FBXO9: variants seen among roughly 807,000 people sequenced by gnomAD.
The protein encoded by FBXO9 is F-box protein 9.
A neutral mutation model predicts 63.7 loss-of-function variants in FBXO9; 43 were observed. That is an observed-to-expected ratio of 0.67 (90% CI 0.53 to 0.87). The LOEUF is 0.87. FBXO9 is among the 40% of genes least tolerant of loss of function. The pLI, the probability that FBXO9 is intolerant of heterozygous loss-of-function variation, is 0.00. For missense variants in FBXO9, 442 were observed against 533.2 expected (o/e 0.83, Z 1.68); for synonymous variants, 156 against 171.7 (o/e 0.91, Z 0.72).
At chr6:53,065,912 T>A (rs2127485076) in intron 1 of FBXO9, 120 bp downstream of exon 1, 2 of 1,201,988 alleles carry the variant, frequency 1.7e-6, no homozygotes, top group East Asian at 6.4e-5. Context: ...GCTTCACGGC[T>A]GCCACCCGTT....
At position 53,099,739 on chromosome 6, in the gene FBXO9, C is replaced by T. The variant is rs1489820555; in HGVS notation, c.*1909C>T. The T allele has an allele frequency of 6.6e-6, 1 of 151,932 alleles. No individual in the cohort carries two copies. The highest frequency in any genetic ancestry group is 1.5e-5 in the Non-Finnish European group (1 of 68,064). The allele number at this position is 151,932 out of a possible 1,614,324, so 9.4% of individuals were successfully genotyped here. On this transcript the variant is annotated 3_prime_UTR_variant, in exon 13 of 13. Transcript: ENST00000323557. ...CCTGGGTGAGAAAGCGAGACCCTGT[C>T]TCAAAAAAGAAAAAAAAGAGAGGTT...
intron 1 of FBXO9, among the ~76,000 whole-genome samples, chr6:53,067,230 A>G (rs778463997): frequency 6.6e-6 from 1 of 152,224 alleles, no homozygotes; most frequent in South Asian, 2.1e-4. Flanking sequence ...GTAGATCACC[A>G]TACCTCTTTA....
chr6:53,087,323 C>T (rs1011178135), intron 7 of FBXO9, among the ~76,000 whole-genome samples: 4 of 114,084 alleles, frequency 3.5e-5, no homozygotes, highest in African/African-American at 1.4e-4. Flanking sequence ...GCCAAGATGA[C>T]AGAGTAAGAT....
chr6:53,076,827 G>T (rs1450725821), intron 4 of FBXO9, among the ~76,000 whole-genome samples: 1 of 150,264 alleles, frequency 6.7e-6, no homozygotes, highest in Non-Finnish European at 1.5e-5. Flanking sequence ...AAATATTTTT[G>T]ATCTGTAGTT....
intron 4 of FBXO9, among the ~76,000 whole-genome samples, chr6:53,077,370 G>C (rs1020911664): frequency 2.0e-5 from 3 of 148,480 alleles, no homozygotes; most frequent in Non-Finnish European, 4.5e-5. Context: ...CTACTTGGGA[G>C]GCTGAGGCAG....
rs1256259194 is a variant in FBXO9, at chr6:53,082,528, A to T, written c.563A>T (p.Tyr188Phe). The T allele has an allele frequency of 6.2e-7, 1 of 1,613,704 alleles. No homozygotes were observed. The highest frequency in any genetic ancestry group is 8.5e-7 in the Non-Finnish European group (1 of 1,179,692). The change falls in exon 7 of 13, where the codon TAC becomes TTC. Residue 188 changes from tyrosine to phenylalanine, a missense_variant. Around this residue, in one of 2 missense-constraint regions of FBXO9, gnomAD observed 262 missense variants for 362.1 expected, o/e 0.72. Coordinates refer to ENST00000323557, the MANE Select transcript of FBXO9 (RefSeq NM_033480.3). ...GTGCTGCCAATGGAGGTCCTGATGT[A>T]CATCTTCCGATGGGTGGTGTCTAGT... ...ISVLPMEVLM[Y>F]IFRWVVSSDL...
intron 5 of FBXO9, among the ~76,000 whole-genome samples, chr6:53,079,318 G>A (rs572075058): frequency 3.3e-5 from 5 of 152,158 alleles, no homozygotes; most frequent in South Asian, 2.1e-4. Flanking sequence ...GTTTCCTTAC[G>A]TATATGTTTG....
At chr6:53,090,672 C>A (rs1763016023) in intron 7 of FBXO9, among the ~76,000 whole-genome samples, 1 of 152,052 alleles carries the variant, frequency 6.6e-6, no homozygotes, top group Admixed American at 6.6e-5. Flanking sequence ...GTTTTTGCTT[C>A]ATTTACTTAT....
Position 53,100,031 on chromosome 6 carries a change from TC to T in FBXO9, c.*2202del, listed in dbSNP as rs1763308272. On this transcript the variant is annotated 3_prime_UTR_variant, in exon 13 of 13. Transcript: ENST00000323557. ...GATACCAAGTTCAAATTTAAAGATTTCTTTGTAAGCAGTAAAGTGACTTTCA... is the reference window on the plus strand; with the variant it reads ...GATACCAAGTTCAAATTTAAAGATTTTTTGTAAGCAGTAAAGTGACTTTCA... The T allele has an allele frequency of 6.6e-6, 1 of 152,228 alleles. No homozygotes were observed. Among genetic ancestry groups the T allele is most frequent in the African/African-American group, 2.4e-5 (1 of 41,468 alleles). The allele number at this position is 152,228 out of a possible 1,614,324, so 9.4% of individuals were successfully genotyped here.
Position 53,092,414 on chromosome 6 carries a change from G to T in FBXO9, c.654-15G>T. ...GGGACTTAGTTTTTATTGACATTGT[G>T]CTTTTATTCCCTAGAGACCCTGAAA... On this transcript the variant is annotated splice_polypyrimidine_tract_variant and intron_variant, in intron 7 of 12. Coordinates refer to ENST00000323557, the MANE Select transcript of FBXO9 (RefSeq NM_033480.3). The T allele has an allele frequency of 6.3e-7, 1 of 1,580,488 alleles. No individual in the cohort carries two copies. The highest frequency in any genetic ancestry group is 8.7e-7 in the Non-Finnish European group (1 of 1,151,164).
intron 4 of FBXO9, among the ~76,000 whole-genome samples, chr6:53,076,937 CCTGT>C (rs1769133413): frequency 1.3e-5 from 2 of 151,848 alleles, no homozygotes; most frequent in East Asian, 1.9e-4. Context: ...TTCTATATAA[CCTGT>C]CTTTTTGCAA....
In FBXO9 at chr6:53,097,042, A is replaced by T. The variant is rs887990545; in HGVS notation, c.1206-680A>T. On this transcript the variant is annotated intron_variant, in intron 12 of 12. Coordinates refer to ENST00000323557, the MANE Select transcript of FBXO9 (RefSeq NM_033480.3). ...GGACATTACCAGAGGCATTATTTGTAGCTGCTAATTATCACATTGACTTCC... is the reference window on the plus strand; with the variant it reads ...GGACATTACCAGAGGCATTATTTGTTGCTGCTAATTATCACATTGACTTCC... 3.3e-5 allele frequency among the ~76,000 whole-genome samples: 5 copies of T among 152,218 alleles called. No homozygotes were observed. The South Asian group carries it at 1.0e-3, about 31-fold the overall frequency.
rs1763294160 is a variant in FBXO9 at position 53,099,338 on chromosome 6, AGCCAAGATCGT to A, written c.*1513_*1523del. On this transcript the variant is annotated 3_prime_UTR_variant, in exon 13 of 13. Coordinates refer to ENST00000323557, the MANE Select transcript of FBXO9 (RefSeq NM_033480.3). The stretch of plus-strand genomic sequence containing the variant: ...AGCCTGGGAAGTGGAAGTTGCAGTG[AGCCAAGATCGT>A]GCCATTCCACTCCAGCCTGAGCAAC... 4 of 152,196 alleles carry A rather than the reference AGCCAAGATCGT, an allele frequency of 2.6e-5. No homozygotes were observed. Among genetic ancestry groups the A allele is most frequent in the Non-Finnish European group, 5.9e-5 (4 of 68,230 alleles). 9.4% of individuals were successfully genotyped at this position (152,196 alleles called of 1,614,324 possible).
intron 7 of FBXO9, among the ~76,000 whole-genome samples, chr6:53,084,539 A>G (rs1223525184): frequency 6.6e-6 from 1 of 152,246 alleles, no homozygotes; most frequent in Admixed American, 6.5e-5. Flanking sequence ...CAGCTTTCAC[A>G]AAAACATCAG....
chr6:53,086,529 T>C (rs1246016765), intron 7 of FBXO9, among the ~76,000 whole-genome samples: 1 of 152,164 alleles, frequency 6.6e-6, no homozygotes, highest in African/African-American at 2.4e-5. Context: ...TTTAGATAAC[T>C]TGTAAGTTAA....
At chr6:53,076,789 AT>A (rs71740239) in intron 4 of FBXO9, among the ~76,000 whole-genome samples, 10,246 of 65,890 alleles carry the variant, frequency 0.16, 845 homozygotes, top group African/African-American at 0.31. Flanking sequence ...ATTATACTGT[AT>A]TTTTTTTTTA....
chr6:53,098,688 T>C lies in FBXO9; in HGVS notation c.*858T>C, dbSNP rs1763281750. 2 of 152,186 alleles carry C rather than the reference T, an allele frequency of 1.3e-5. No individual in the cohort carries two copies. The allele number at this position is 152,186 out of a possible 1,614,324, so 9.4% of individuals were successfully genotyped here. A position where few individuals can be genotyped will look rare whatever the true frequency, so the allele number is the denominator to read the frequency against. Reference sequence around the variant, plus strand: ...TAGGCACCTTACCAATATATGACATTAAGTGAGAGTGAATCCCTTAGGACT... The same window carrying C: ...TAGGCACCTTACCAATATATGACATCAAGTGAGAGTGAATCCCTTAGGACT... On this transcript the variant is annotated 3_prime_UTR_variant, in exon 13 of 13. Transcript: ENST00000323557.
intron 7 of FBXO9, among the ~76,000 whole-genome samples, chr6:53,088,644 G>A (rs1762957915): frequency 1.3e-5 from 2 of 151,662 alleles, no homozygotes; most frequent in Admixed American, 1.3e-4. Flanking sequence ...TGTCGCCCAG[G>A]CTGCAGTACA....
At chr6:53,079,447 G>C (rs1436969540) in intron 5 of FBXO9, among the ~76,000 whole-genome samples, 1 of 152,070 alleles carries the variant, frequency 6.6e-6, no homozygotes, top group African/African-American at 2.4e-5. Context: ...TAAAAGCACA[G>C]GTGCAGAATA....
Sources: allele counts gnomAD v4.1 joint callset (sites outside exome capture counted in the v4.1 genomes callset), GRCh38; gene constraint gnomAD v4.1.1; regional missense constraint gnomAD v4.1.1; transcripts MANE v1.5; gene names NCBI Gene and HGNC (gene_info 2026-07-23, HGNC 2026-07-21).